The following TF variants were observed in gnomAD, a reference collection of about 807,000 sequenced individuals.
The protein encoded by TF is transferrin.
In TF, 55 loss-of-function variants were observed where a neutral mutation model predicts 82.4. The ratio of observed to expected loss-of-function variants is 0.67; its 90% CI spans 0.54 to 0.84. The LOEUF (loss-of-function observed/expected upper bound fraction) is 0.84. TF is among the 40% of genes least tolerant of loss of function. The pLI is 0.00. For missense variants in TF, 737 were observed against 868.4 expected, an observed-to-expected ratio of 0.85 and a Z score of 1.90; for synonymous variants, 332 against 332.6, an observed-to-expected ratio of 1.00 and a Z score of 0.02.
At chr3:133,667,033 C>G in the TF span, among the ~76,000 whole-genome samples, 1 of 146,934 alleles carries the variant, frequency 6.8e-6, no homozygotes, top group African/African-American at 2.5e-5. Context: ...GAGACACTGT[C>G]TCAGAAAAAG....
intron 14 of TF, chr3:133,773,392 GC>G (rs1240093227): frequency 6.6e-6 from 1 of 151,848 alleles, no homozygotes; most frequent in African/African-American, 2.4e-5. Context: ...CCATCTCTTG[GC>G]CTCATGATCC....
chr3:133,716,238 A>G, the TF span, among the ~76,000 whole-genome samples: 1,330 of 151,984 alleles, frequency 8.8e-3, 5 homozygotes, highest in Non-Finnish European at 0.015. Flanking sequence ...TCTAGTTCTG[A>G]CATTTTCCTG....
chr3:133,697,867 T>C, the TF span, among the ~76,000 whole-genome samples: 1 of 152,364 alleles, frequency 6.6e-6, no homozygotes, highest in East Asian at 1.9e-4. Context: ...TGAGATTTTA[T>C]CAACCCCAAA....
intron 9 of TF, chr3:133,761,172 C>G (rs1933982330): frequency 4.8e-6 from 1 of 210,324 alleles, no homozygotes; most frequent in Non-Finnish European, 1.0e-5. Context: ...AGGGAGTCAT[C>G]ATCTCGCATA....
At chr3:133,747,958 T>G (rs1576354024) in intron 1 of TF, among the ~76,000 whole-genome samples, 4 of 151,706 alleles carry the variant, frequency 2.6e-5, no homozygotes, top group African/African-American at 9.7e-5. Flanking sequence ...CATCATTCTC[T>G]GAGTCTCACT....
chr3:133,757,055 T>G (rs758017678), intron 7 of TF, 46 bp downstream of exon 7: 6 of 1,612,970 alleles, frequency 3.7e-6, no homozygotes, highest in Non-Finnish European at 5.1e-6. Flanking sequence ...GCTCCCTGCT[T>G]GGATTTGGGG....
chr3:133,741,362 A>G (rs973098492), upstream of TF, among the ~76,000 whole-genome samples: 2 of 152,168 alleles, frequency 1.3e-5, no homozygotes, highest in African/African-American at 4.8e-5. Flanking sequence ...TATTATGCAT[A>G]AAGATGAGAA....
chr3:133,787,976 C>G lies in TF; in HGVS notation c.*9356C>G, dbSNP rs1934729512. 1.3e-5 allele frequency: 2 copies of G among 152,114 alleles called. No individual in the cohort carries two copies. Among genetic ancestry groups the G allele is most frequent in the South Asian group, 4.1e-4 (2 of 4,824 alleles). The allele number at this position is 152,114 out of a possible 1,614,324, so 9.4% of individuals were successfully genotyped here. On this transcript the variant is annotated 3_prime_UTR_variant, in exon 17 of 17. Coordinates refer to ENST00000402696, the MANE Select transcript of TF (RefSeq NM_001063.4). ...CCCTAAGTGACACATGGGCCCATAT[C>G]CACCAGGTTGGTGGTGCAGAGGAGC...
the TF span, among the ~76,000 whole-genome samples, chr3:133,672,449 C>CA: frequency 7.9e-6 from 1 of 127,162 alleles, no homozygotes; most frequent in East Asian, 2.2e-4. Flanking sequence ...AACACAAATG[C>CA]AAAAAATCCT....
intron 12 of TF, among the ~76,000 whole-genome samples, chr3:133,766,671 A>C (rs1934135471): frequency 6.6e-6 from 1 of 152,182 alleles, no homozygotes; most frequent in African/African-American, 2.4e-5. Context: ...GCATGAGTGA[A>C]TATACATTTA....
the TF span, among the ~76,000 whole-genome samples, chr3:133,704,614 A>T: frequency 6.6e-6 from 1 of 152,208 alleles, no homozygotes; most frequent in Non-Finnish European, 1.5e-5. Flanking sequence ...AAAGTTGCCC[A>T]CTAGTTCAGG....
rs765784216 is a variant in TF at position 133,754,564 on chromosome 3, G to A, written c.395G>A (p.Arg132Gln). The A allele has an allele frequency of 1.4e-5, 23 of 1,614,060 alleles. No individual in the cohort carries two copies. The highest frequency in any genetic ancestry group is 3.3e-5 in the Admixed American group (2 of 60,010). The change falls in exon 4 of 17, where the codon CGA becomes CAA. Residue 132 changes from arginine to glutamine, a missense_variant. Transcript: ENST00000402696. ...AGTGGCTTCCAGATGAACCAGCTTC[G>A]AGGCAAGAAGTCCTGCCACACGGGT... Reference protein sequence around the residue: ...KDSGFQMNQLRGKKSCHTGLG... With the variant: ...KDSGFQMNQLQGKKSCHTGLG...
intron 7 of TF, 131 bp from the exon 8 acceptor site, chr3:133,757,638 G>T: frequency 1.2e-6 from 1 of 867,438 alleles, no homozygotes; most frequent in Non-Finnish European, 1.9e-6. Flanking sequence ...GAGCAGGTCC[G>T]ACTGCCCTCT....
In TF at chr3:133,759,306, G is replaced by T; in HGVS notation, c.1180G>T (p.Glu394Ter). The T allele has an allele frequency of 6.2e-7, 1 of 1,613,522 alleles. No individual in the cohort carries two copies. ...KIECVSAETTEDCIAKIMNGE... is the reference protein window; with the variant it reads ...KIECVSAETT ...AGAGTGTGTATCAGCAGAGACCACCGAAGACTGCATCGCCAAGATCATGGT... is the reference window on the plus strand; with the variant it reads ...AGAGTGTGTATCAGCAGAGACCACCTAAGACTGCATCGCCAAGATCATGGT... The change falls in exon 9 of 17, where the codon GAA (glutamate) becomes TAA (stop). Residue 394 changes from glutamate (E) to a stop codon, truncating the protein, a stop_gained. Coordinates refer to ENST00000402696, the MANE Select transcript of TF (RefSeq NM_001063.4). LOFTEE classifies it high-confidence loss of function.
chr3:133,754,947 G>A (rs1214946130), intron 4 of TF, among the ~76,000 whole-genome samples: 3 of 152,238 alleles, frequency 2.0e-5, no homozygotes, highest in Non-Finnish European at 4.4e-5. Flanking sequence ...CAGTCTAGGC[G>A]ATGGTGGTTC....
chr3:133,695,245 C>CT, the TF span, among the ~76,000 whole-genome samples: 26,134 of 100,366 alleles, frequency 0.26, 3,446 homozygotes, highest in African/African-American at 0.3. Flanking sequence ...GGAGCTGGTT[C>CT]TTTTTTTTTT....
chr3:133,732,759 G>A, the TF span, among the ~76,000 whole-genome samples: 20 of 152,208 alleles, frequency 1.3e-4, no homozygotes, highest in Non-Finnish European at 2.4e-4. Flanking sequence ...TGTAACACTC[G>A]CTGCAAGGGC....
chr3:133,775,337 G>A (rs193259194), intron 14 of TF, 96 bp from the exon 15 acceptor site: 4 of 1,301,316 alleles, frequency 3.1e-6, no homozygotes, highest in South Asian at 2.4e-5. Flanking sequence ...TGGCGAGAAG[G>A]CCCAGGTTCT....
chr3:133,704,901 T>C, the TF span, among the ~76,000 whole-genome samples: 2 of 152,230 alleles, frequency 1.3e-5, no homozygotes, highest in Middle Eastern at 3.2e-3. Flanking sequence ...ATCTGCTACA[T>C]TATCTTTCAA....
Sources: allele counts gnomAD v4.1 joint callset (sites outside exome capture counted in the v4.1 genomes callset), GRCh38; gene constraint gnomAD v4.1.1; transcripts MANE v1.5; gene names NCBI Gene and HGNC (gene_info 2026-07-23, HGNC 2026-07-21).